The following IL20RB variants were observed in gnomAD, a reference collection of about 807,000 sequenced individuals.
IL20RB encodes the protein interleukin-20 receptor subunit beta.
Under a neutral mutation model 33.3 loss-of-function variants are expected in IL20RB, and 21 were observed. The ratio of observed to expected loss-of-function variants is 0.63; its 90% CI spans 0.45 to 0.91. The LOEUF is 0.91. Ranked by LOEUF, IL20RB falls within the 40% of genes least tolerant of loss-of-function variation. The pLI, the probability that IL20RB is intolerant of heterozygous loss-of-function variation, is 0.00. For missense variants in IL20RB, 345 were observed against 384.8 expected, an observed-to-expected ratio of 0.90 and a Z score of 0.86; for synonymous variants, 147 against 146.8, an observed-to-expected ratio of 1.00 and a Z score of -0.01.
At chr3:136,971,679 T>A (rs1333750898) in intron 1 of IL20RB, among the ~76,000 whole-genome samples, 1 of 152,244 alleles carries the variant, frequency 6.6e-6, no homozygotes, top group Non-Finnish European at 1.5e-5. Flanking sequence ...TTTTTATGAC[T>A]GAATAAATAG....
chr3:136,998,977 T>C (rs1942188588), intron 6 of IL20RB, among the ~76,000 whole-genome samples: 1 of 152,274 alleles, frequency 6.6e-6, no homozygotes, highest in South Asian at 2.1e-4. Context: ...ACCAGTTAAA[T>C]TATAACATGC....
At chr3:136,962,625 G>A (rs1328646168) in intron 1 of IL20RB, among the ~76,000 whole-genome samples, 10 of 151,850 alleles carry the variant, frequency 6.6e-5, no homozygotes, top group African/African-American at 1.7e-4. Context: ...GGTGGTGGGC[G>A]CCTGTAGTCC....
chr3:136,984,567 G>A (rs954868273), intron 3 of IL20RB, among the ~76,000 whole-genome samples: 3 of 151,922 alleles, frequency 2.0e-5, no homozygotes, highest in Non-Finnish European at 2.9e-5. Flanking sequence ...GCATTCGGAT[G>A]AGTCAAAATT....
At chr3:137,004,659 C>G (rs1280910951) in intron 6 of IL20RB, among the ~76,000 whole-genome samples, 2 of 152,058 alleles carry the variant, frequency 1.3e-5, no homozygotes, top group African/African-American at 4.8e-5. Context: ...TCTCTCTTTT[C>G]TTCTTTGTTA....
intron 6 of IL20RB, among the ~76,000 whole-genome samples, chr3:136,999,236 A>G (rs1411157114): frequency 6.6e-6 from 1 of 152,040 alleles, no homozygotes; most frequent in African/African-American, 2.4e-5. Context: ...AGTTGGGACT[A>G]CAAGCATGTG....
At chr3:136,971,420 C>T (rs1029573200) in intron 1 of IL20RB, among the ~76,000 whole-genome samples, 21 of 152,284 alleles carry the variant, frequency 1.4e-4, no homozygotes, top group African/African-American at 2.4e-4. Flanking sequence ...TGTGAGCCAC[C>T]GCGCCCGGCC....
intron 6 of IL20RB, among the ~76,000 whole-genome samples, chr3:137,003,571 T>G (rs767900909): frequency 6.6e-6 from 1 of 152,212 alleles, no homozygotes; most frequent in Non-Finnish European, 1.5e-5. Context: ...GCTCTCTGTC[T>G]GTTAACGGTG....
At chr3:136,977,491 T>C (rs923401438) in intron 1 of IL20RB, among the ~76,000 whole-genome samples, 14 of 152,312 alleles carry the variant, frequency 9.2e-5, no homozygotes, top group African/African-American at 3.4e-4. Context: ...GATTATAATT[T>C]TAATTTCTGT....
intron 3 of IL20RB, among the ~76,000 whole-genome samples, chr3:136,987,885 G>A (rs577892847): frequency 3.9e-4 from 60 of 152,268 alleles, no homozygotes; most frequent in Non-Finnish European, 6.9e-4. Context: ...CTCCGAGTGC[G>A]GGGCCCACCA....
chr3:137,006,581 G>A (rs1378177229), intron 6 of IL20RB, among the ~76,000 whole-genome samples: 3 of 151,938 alleles, frequency 2.0e-5, no homozygotes, highest in African/African-American at 7.3e-5. Context: ...GCTTGTGCAT[G>A]CGTCATGAAG....
At chr3:137,001,722 A>T (rs1942246173) in intron 6 of IL20RB, among the ~76,000 whole-genome samples, 1 of 152,184 alleles carries the variant, frequency 6.6e-6, no homozygotes, top group Non-Finnish European at 1.5e-5. Flanking sequence ...GCACTCTGAA[A>T]TATGACATTA....
chr3:136,961,182 C>G (rs923883363), intron 1 of IL20RB, among the ~76,000 whole-genome samples: 4 of 152,200 alleles, frequency 2.6e-5, no homozygotes, highest in Non-Finnish European at 5.9e-5. Flanking sequence ...GTTTAACTTT[C>G]ATTCTTTTAA....
At chr3:137,005,414 T>C (rs1375792701) in intron 6 of IL20RB, among the ~76,000 whole-genome samples, 1 of 152,112 alleles carries the variant, frequency 6.6e-6, no homozygotes, top group East Asian at 1.9e-4. Context: ...CTCTTTGTAG[T>C]TCTCTAAGGA....
chr3:136,963,105 G>T (rs1288078484), intron 1 of IL20RB, among the ~76,000 whole-genome samples: 4 of 152,096 alleles, frequency 2.6e-5, no homozygotes, highest in African/African-American at 9.7e-5. Flanking sequence ...ATATCACTGG[G>T]CTAACATCAA....
intron 5 of IL20RB, among the ~76,000 whole-genome samples, chr3:136,993,429 T>C (rs1293319172): frequency 6.6e-6 from 1 of 152,210 alleles, no homozygotes; most frequent in Non-Finnish European, 1.5e-5. Flanking sequence ...TACCTCATTC[T>C]TTTTTATTAT....
chr3:136,991,811 T>G (rs994099897), intron 4 of IL20RB, 127 bp from the exon 5 acceptor site: 1 of 820,866 alleles, frequency 1.2e-6, no homozygotes, highest in Non-Finnish European at 1.9e-6. Context: ...TGTTTCACCA[T>G]GTTGGTCAGG....
At chr3:137,006,414 T>G (rs1309062049) in intron 6 of IL20RB, among the ~76,000 whole-genome samples, 1 of 152,164 alleles carries the variant, frequency 6.6e-6, no homozygotes, top group African/African-American at 2.4e-5. Context: ...ATCAGACATA[T>G]ATTTGGTCTT....
At chr3:137,004,367 A>G (rs1441843319) in intron 6 of IL20RB, among the ~76,000 whole-genome samples, 1 of 152,228 alleles carries the variant, frequency 6.6e-6, no homozygotes, top group Non-Finnish European at 1.5e-5. Flanking sequence ...TACCGCTGGT[A>G]GAATTCGGCT....
In IL20RB at chr3:136,995,487, G is replaced by C. The variant is rs1453818069; in HGVS notation, c.756G>C (p.Leu252=). The stretch of plus-strand genomic sequence containing the variant: ...TGCTGATCCTTGTGGTCGTGCCACT[G>C]TTCGTCTGGAAAATGGGCCGGCTGC... ...GFMLILVVVP[L]FVWKMGRLLQ... Residue 252 remains leucine (L), a synonymous_variant, in exon 6 of 7, where the codon CTG becomes CTC. Transcript: ENST00000329582. The C allele has an allele frequency of 1.4e-5, 23 of 1,614,048 alleles. No individual in the cohort carries two copies. The highest frequency in any genetic ancestry group is 1.8e-5 in the Non-Finnish European group (21 of 1,180,034).
Sources: gnomAD v4.1 joint callset for allele counts (sites outside exome capture counted in the v4.1 genomes callset) on GRCh38, gnomAD v4.1.1 for gene constraint, MANE v1.5 for transcripts, NCBI Gene and HGNC (gene_info 2026-07-23, HGNC 2026-07-21) for gene names.